The following ELK3 variants were observed in gnomAD, a reference collection of about 807,000 sequenced individuals.
ELK3 encodes ETS transcription factor ELK3, also known as ETS domain-containing protein Elk-3.
In ELK3, 10 loss-of-function variants were observed where a neutral mutation model predicts 28.9. The observed-to-expected ratio is 0.35, with a 90% CI of 0.21 to 0.59. The LOEUF (loss-of-function observed/expected upper bound fraction) is 0.59. Ranked by LOEUF, ELK3 falls within the 20% of genes least tolerant of loss-of-function variation. The probability of loss-of-function intolerance (pLI) is 0.82; values close to 1 mark genes in which losing one functional copy is unlikely to be tolerated. For synonymous variants in ELK3, 272 were observed against 243.5 expected, an observed-to-expected ratio of 1.12 and a Z score of -1.09; for missense variants, 463 against 517.3, an observed-to-expected ratio of 0.90 and a Z score of 1.02.
intron 3 of ELK3, chr12:96,255,419 G>A (rs887613856): frequency 6.6e-6 from 1 of 151,454 alleles, no homozygotes; most frequent in African/African-American, 2.4e-5. Context: ...CTTGTGGAGA[G>A]GGCCTGTAGC....
rs1951448057 is a variant in ELK3 at position 96,194,644 on chromosome 12, T to G, written c.-64T>G. On this transcript the variant is annotated 5_prime_UTR_variant, in exon 1 of 5. Coordinates refer to ENST00000228741, the MANE Select transcript of ELK3 (RefSeq NM_005230.4). ...TGCAGACGCCTGTCAGCATGGAAAG[T>G]CGGGGGCTTTCGCCCGGGTCCTCCT... 1 of 150,568 alleles carries G rather than the reference T, an allele frequency of 6.6e-6. No individual in the cohort carries two copies. Among genetic ancestry groups the G allele is most frequent in the Non-Finnish European group, 1.5e-5 (1 of 67,570 alleles). 9.3% of individuals were successfully genotyped at this position (150,568 alleles called of 1,614,324 possible).
chr12:96,208,977 C>G (rs553175630), intron 1 of ELK3, among the ~76,000 whole-genome samples: 1 of 152,310 alleles, frequency 6.6e-6, no homozygotes, highest in South Asian at 2.1e-4. Flanking sequence ...CTTCCCGGTC[C>G]CCAGGATCCC....
chr12:96,241,463 T>C (rs944711833), intron 2 of ELK3, among the ~76,000 whole-genome samples: 1 of 150,752 alleles, frequency 6.6e-6, no homozygotes. Flanking sequence ...TGTGTGTACA[T>C]ATGTAAACAC....
At chr12:96,264,452 T>TA (rs1029342189) in intron 4 of ELK3, among the ~76,000 whole-genome samples, 46 of 152,034 alleles carry the variant, frequency 3.0e-4, no homozygotes, top group Non-Finnish European at 1.0e-4. Flanking sequence ...GAAGCAAAGA[T>TA]TACTAAGTGA....
intron 1 of ELK3, among the ~76,000 whole-genome samples, chr12:96,219,624 C>T (rs1276774228): frequency 3.3e-5 from 5 of 152,168 alleles, no homozygotes; most frequent in Non-Finnish European, 5.9e-5. Flanking sequence ...CAAACCTCTG[C>T]CACAGACAAC....
At chr12:96,236,984 C>T (rs1951789541) in intron 2 of ELK3, among the ~76,000 whole-genome samples, 1 of 152,200 alleles carries the variant, frequency 6.6e-6, no homozygotes. Flanking sequence ...TGCCTCACTC[C>T]AGTCTCTGCC....
chr12:96,198,321 G>C (rs745384415), intron 1 of ELK3, among the ~76,000 whole-genome samples: 1 of 152,102 alleles, frequency 6.6e-6, no homozygotes. Flanking sequence ...CTCAGCCTCC[G>C]CAGTAGCTGG....
intron 3 of ELK3, among the ~76,000 whole-genome samples, chr12:96,251,238 C>A (rs1378923911): frequency 6.6e-6 from 1 of 152,094 alleles, no homozygotes; most frequent in Non-Finnish European, 1.5e-5. Flanking sequence ...TGTTTTGGGG[C>A]ACCATGAACC....
chr12:96,228,585 C>T (rs1343626874), intron 2 of ELK3, among the ~76,000 whole-genome samples: 1 of 152,090 alleles, frequency 6.6e-6, no homozygotes, highest in African/African-American at 2.4e-5. Flanking sequence ...AGACAGATGA[C>T]AACAGTTTCT....
Position 96,215,068 on chromosome 12 carries a change from A to G in ELK3, c.-2-8497A>G, listed in dbSNP as rs540964423. On this transcript the variant is annotated intron_variant, in intron 1 of 4. Coordinates refer to ENST00000228741, the MANE Select transcript of ELK3 (RefSeq NM_005230.4). Reference sequence around the variant, plus strand: ...TGAGCACCTATTTTGTTTATTCCTTACCCAGAAGTTTTTCTCCTTTTCTTG... The same window carrying G: ...TGAGCACCTATTTTGTTTATTCCTTGCCCAGAAGTTTTTCTCCTTTTCTTG... Among the ~76,000 whole-genome samples, 8 of 150,920 alleles carry G rather than the reference A, an allele frequency of 5.3e-5. No individual in the cohort carries two copies. The South Asian group carries it at 1.7e-3, about 32-fold the overall frequency.
At chr12:96,242,830 A>C (rs1259690129) in intron 2 of ELK3, among the ~76,000 whole-genome samples, 1 of 152,198 alleles carries the variant, frequency 6.6e-6, no homozygotes, top group Non-Finnish European at 1.5e-5. Context: ...GTTTCCAGGT[A>C]GCCAGATCGA....
chr12:96,262,778 C>T (rs1279374011), intron 4 of ELK3, among the ~76,000 whole-genome samples: 5 of 151,772 alleles, frequency 3.3e-5, no homozygotes, highest in African/African-American at 1.2e-4. Context: ...ATTCAGAATT[C>T]AGATTACTAT....
chr12:96,237,736 G>A (rs1412622837), intron 2 of ELK3, among the ~76,000 whole-genome samples: 2 of 152,334 alleles, frequency 1.3e-5, no homozygotes, highest in Non-Finnish European at 1.5e-5. Flanking sequence ...TGTAACAGTC[G>A]TGCCTGTGAA....
At chr12:96,221,288 C>T (rs891284229) in intron 1 of ELK3, among the ~76,000 whole-genome samples, 5 of 152,168 alleles carry the variant, frequency 3.3e-5, no homozygotes, top group Non-Finnish European at 2.9e-5. Context: ...CAAGAAGCTC[C>T]GAGGAGGCCA....
intron 4 of ELK3, among the ~76,000 whole-genome samples, chr12:96,260,891 T>A (rs1840400507): frequency 6.6e-6 from 1 of 152,206 alleles, no homozygotes; most frequent in African/African-American, 2.4e-5. Flanking sequence ...TATGATTGCC[T>A]GTTGATCTGG....
At chr12:96,237,265 C>G (rs113834127) in intron 2 of ELK3, among the ~76,000 whole-genome samples, 1 of 152,154 alleles carries the variant, frequency 6.6e-6, no homozygotes, top group Admixed American at 6.6e-5. Context: ...GTCAGAGGAG[C>G]CCTTTCATAA....
At chr12:96,198,703 TA>T (rs1318343694) in intron 1 of ELK3, among the ~76,000 whole-genome samples, 4 of 152,118 alleles carry the variant, frequency 2.6e-5, no homozygotes, top group South Asian at 2.1e-4. Flanking sequence ...AAAACTGCTA[TA>T]AAAAAATAGA....
chr12:96,195,134 G>T (rs1446135796), intron 1 of ELK3, among the ~76,000 whole-genome samples: 2 of 152,172 alleles, frequency 1.3e-5, no homozygotes, highest in Admixed American at 6.5e-5. Context: ...CAGGCTGAGT[G>T]CCTGGAGGCT....
chr12:96,226,687 C>T (rs1033075209), intron 2 of ELK3, among the ~76,000 whole-genome samples: 1 of 150,296 alleles, frequency 6.7e-6, no homozygotes, highest in African/African-American at 2.5e-5. Context: ...TATGCACAGA[C>T]ATGTGCACAC....
Sources: allele counts gnomAD v4.1 joint callset (sites outside exome capture counted in the v4.1 genomes callset), GRCh38; gene constraint gnomAD v4.1.1; transcripts MANE v1.5; gene names NCBI Gene and HGNC (gene_info 2026-07-23, HGNC 2026-07-21).